RNF125: variants seen among roughly 807,000 people sequenced by gnomAD.
RNF125 encodes ring finger protein 125, also known as E3 ubiquitin-protein ligase RNF125.
RNF125 carries 21 observed loss-of-function variants against 26.0 expected under a neutral mutation model. The observed-to-expected ratio is 0.81, with a 90% CI of 0.57 to 1.16. The LOEUF (loss-of-function observed/expected upper bound fraction) is 1.16, where lower values mean the gene tolerates loss of function less well. RNF125 is among the 50% of genes most tolerant of loss of function. The pLI, the probability that RNF125 is intolerant of heterozygous loss-of-function variation, is 0.00. For missense variants in RNF125, 270 were observed against 299.4 expected, an observed-to-expected ratio of 0.90 and a Z score of 0.72; for synonymous variants, 95 against 109.2, an observed-to-expected ratio of 0.87 and a Z score of 0.81.
At chr18:32,056,037 A>G (rs570907346) in intron 4 of RNF125, among the ~76,000 whole-genome samples, 11 of 151,740 alleles carry the variant, frequency 7.2e-5, no homozygotes, top group Middle Eastern at 3.4e-3. Flanking sequence ...TTAAACCCTA[A>G]TTTTAAGAAA....
chr18:32,065,015 TTAAA>T (rs755429923), intron 4 of RNF125, among the ~76,000 whole-genome samples: 4 of 152,234 alleles, frequency 2.6e-5, no homozygotes, highest in African/African-American at 4.8e-5. Flanking sequence ...GTAATATTGT[TTAAA>T]TAATAAATTG....
At chr18:32,024,353 C>T (rs1226522302) in intron 1 of RNF125, among the ~76,000 whole-genome samples, 1 of 151,912 alleles carries the variant, frequency 6.6e-6, no homozygotes, top group Non-Finnish European at 1.5e-5. Context: ...ACCACCACAC[C>T]CGGCCTCATG....
chr18:32,051,575 A>T (rs145319715), intron 4 of RNF125, among the ~76,000 whole-genome samples: 2,218 of 138,672 alleles, frequency 0.016, 60 homozygotes, highest in African/African-American at 0.056. Flanking sequence ...AAATCATGCC[A>T]TTGCACTCCA....
rs1161253281 is a variant in RNF125 at position 32,071,637 on chromosome 18, TTACATA to T, written c.*3256_*3261del. ...AATCATTTATAAACTTCTTTGTTCC[TTACATA>T]TAAGCATAGTCATAACCATGGTACC... On this transcript the variant is annotated 3_prime_UTR_variant, in exon 6 of 6. Transcript: ENST00000217740. The T allele has an allele frequency of 6.6e-6, 1 of 152,240 alleles. No homozygotes were observed. Among genetic ancestry groups the T allele is most frequent in the African/African-American group, 2.4e-5 (1 of 41,456 alleles). 9.4% of individuals were successfully genotyped at this position (152,240 alleles called of 1,614,324 possible).
chr18:32,024,802 T>C lies in RNF125; in HGVS notation c.164+5775T>C, dbSNP rs569955471. ...AACAATTTAAAACTAGCTTTATTGC[T>C]GGGCACAGTGGCTCACACCTATAAT... On this transcript the variant is annotated intron_variant, in intron 1 of 5. Coordinates refer to ENST00000217740, the MANE Select transcript of RNF125 (RefSeq NM_017831.4). 2.6e-5 allele frequency among the ~76,000 whole-genome samples: 4 copies of C among 152,240 alleles called. No homozygotes were observed. In the South Asian group the frequency reaches 8.3e-4, roughly 32 times the overall value.
At chr18:32,062,927 A>G (rs1361750181) in intron 4 of RNF125, among the ~76,000 whole-genome samples, 2 of 152,284 alleles carry the variant, frequency 1.3e-5, no homozygotes, top group Middle Eastern at 3.4e-3. Flanking sequence ...ACTTTAAAAA[A>G]TGAATACATG....
intron 2 of RNF125, among the ~76,000 whole-genome samples, chr18:32,038,241 G>A (rs935348216): frequency 2.0e-5 from 3 of 151,884 alleles, no homozygotes; most frequent in African/African-American, 7.3e-5. Flanking sequence ...GTAGAGAGAG[G>A]GTTTTGCTAT....
At chr18:32,075,919 GT>G, downstream of RNF125, 2 of 1,502,144 alleles carry the variant, frequency 1.3e-6, no homozygotes, top group Non-Finnish European at 1.8e-6. Flanking sequence ...CCTCCTGTGT[GT>G]TTTCGTCTTT....
chr18:32,034,434 T>G (rs1460232697), intron 1 of RNF125, among the ~76,000 whole-genome samples: 1 of 152,224 alleles, frequency 6.6e-6, no homozygotes, highest in Non-Finnish European at 1.5e-5. Flanking sequence ...TTGCTGCTTC[T>G]TCACACTGTT....
chr18:32,050,079 T>C (rs2039308985), intron 4 of RNF125, among the ~76,000 whole-genome samples: 1 of 152,152 alleles, frequency 6.6e-6, no homozygotes, highest in Admixed American at 6.6e-5. Context: ...ATCATCTGAC[T>C]TACCTCACAT....
chr18:32,055,979 CAAAAAAAAAAAAA>C (rs67968645), intron 4 of RNF125, among the ~76,000 whole-genome samples: 4 of 78,864 alleles, frequency 5.1e-5, no homozygotes, highest in Non-Finnish European at 9.1e-5. Context: ...AACTCCATCT[CAAAAAAAAAAAAA>C]AAAAAAAAAA....
chr18:32,078,024 A>G (rs1175693935), downstream of RNF125, among the ~76,000 whole-genome samples: 1 of 152,082 alleles, frequency 6.6e-6, no homozygotes, highest in Non-Finnish European at 1.5e-5. Context: ...TCCTGGGCTC[A>G]AGTGACCCTC....
At chr18:32,042,062 A>C in intron 2 of RNF125, 117 bp from the exon 3 acceptor site, 1 of 710,682 alleles carries the variant, frequency 1.4e-6, no homozygotes, top group Non-Finnish European at 2.5e-6. Flanking sequence ...GAATGCATCT[A>C]TTTAGTCAGT....
At chr18:32,020,002 C>CTGTGTGTG (rs149126113) in intron 1 of RNF125, among the ~76,000 whole-genome samples, 2,510 of 149,958 alleles carry the variant, frequency 0.017, 64 homozygotes, top group African/African-American at 0.059. Flanking sequence ...TCTCTGTTTA[C>CTGTGTGTG]TGTGTGTGTG....
downstream of RNF125, chr18:32,076,164 A>G (rs1207738894): frequency 5.9e-5 from 32 of 545,510 alleles, no homozygotes; most frequent in Admixed American, 7.8e-4. Flanking sequence ...ACAGTTAGAA[A>G]CCGGATGATG....
At chr18:32,051,403 G>T (rs2144493903) in intron 4 of RNF125, among the ~76,000 whole-genome samples, 1 of 152,034 alleles carries the variant, frequency 6.6e-6, no homozygotes, top group East Asian at 2.0e-4. Flanking sequence ...GATCACCTGA[G>T]GTCAGGAGTT....
chr18:32,037,271 T>C lies in RNF125; in HGVS notation c.318+2T>C. 1 of 1,557,576 alleles carries C rather than the reference T, an allele frequency of 6.4e-7. No individual in the cohort carries two copies. The highest frequency in any genetic ancestry group is 8.6e-7 in the Non-Finnish European group (1 of 1,156,884). ...AACTGCGCTGAGTGTGACACCCTGG[T>C]ATGTATGTGACCCCACCTATTTTCA... On this transcript the variant is annotated splice_donor_variant, in intron 2 of 5. Transcript: ENST00000217740. LOFTEE classifies it high-confidence loss of function.
chr18:32,049,625 G>T (rs1422495624), intron 4 of RNF125, among the ~76,000 whole-genome samples: 1 of 152,090 alleles, frequency 6.6e-6, no homozygotes, highest in Non-Finnish European at 1.5e-5. Flanking sequence ...GGATGGGGAA[G>T]TGAAGTGGTA....
At chr18:32,074,709 A>G (rs2039558006), downstream of RNF125, among the ~76,000 whole-genome samples, 1 of 151,960 alleles carries the variant, frequency 6.6e-6, no homozygotes. Context: ...TGCCCAGCTA[A>G]TTTTTGTATT....
Sources: allele counts gnomAD v4.1 joint callset (sites outside exome capture counted in the v4.1 genomes callset), GRCh38; gene constraint gnomAD v4.1.1; transcripts MANE v1.5; gene names NCBI Gene and HGNC (gene_info 2026-07-23, HGNC 2026-07-21).